PPARD: variants seen among roughly 807,000 people sequenced by gnomAD.
The protein encoded by PPARD is peroxisome proliferator activated receptor delta.
A neutral mutation model predicts 39.5 loss-of-function variants in PPARD; 6 were observed. That is an observed-to-expected ratio of 0.15 (90% CI 0.08 to 0.30). PPARD has a LOEUF of 0.30. Among genes scored for constraint, PPARD ranks in the 10% least tolerant of loss-of-function variants. The pLI is 1.00. For synonymous variants in PPARD, 210 were observed against 231.3 expected, an observed-to-expected ratio of 0.91 and a Z score of 0.83; for missense variants, 397 against 596.8, an observed-to-expected ratio of 0.67 and a Z score of 3.49.
intron 2 of PPARD, among the ~76,000 whole-genome samples, chr6:35,359,429 T>C (rs2150483410): frequency 6.6e-6 from 1 of 152,208 alleles, no homozygotes; most frequent in African/African-American, 2.4e-5. Context: ...GCCTCCTCTT[T>C]CTGAATGATG....
intron 2 of PPARD, among the ~76,000 whole-genome samples, chr6:35,360,298 G>A (rs1257688615): frequency 6.6e-6 from 1 of 152,184 alleles, no homozygotes; most frequent in Admixed American, 6.5e-5. Context: ...TCAGTCTGGT[G>A]AAGTGAAAAG....
At chr6:35,348,399 C>T in intron 2 of PPARD, 1 of 985,412 alleles carries the variant, frequency 1.0e-6, no homozygotes, top group South Asian at 4.7e-5. Context: ...GAACAATGCT[C>T]TGGGTTCCCA....
intron 2 of PPARD, among the ~76,000 whole-genome samples, chr6:35,398,774 G>A (rs559109262): frequency 1.6e-4 from 25 of 152,274 alleles, no homozygotes; most frequent in African/African-American, 5.3e-4. Flanking sequence ...ATGCTATCGT[G>A]GGTCAAGTAA....
rs1323053099 is a variant in PPARD at position 35,420,250 on chromosome 6, A to G, written c.254A>G (p.His85Arg). ...TGCGGGGACAAGGCATCGGGCTTCC[A>G]CTACGGTGTTCATGCATGTGAGGGG... Reference protein sequence around the residue: ...RVCGDKASGFHYGVHACEGCK... With the variant: ...RVCGDKASGFRYGVHACEGCK... Residue 85 changes from histidine to arginine, a missense_variant, in exon 4 of 8, where the codon CAC becomes CGC. Physicochemically the swap from His to Arg is conservative, Grantham distance 29 (BLOSUM62 0). Coordinates refer to ENST00000360694, the MANE Select transcript of PPARD (RefSeq NM_006238.5). 6.3e-7 allele frequency: 1 copy of G among 1,598,370 alleles called. No individual in the cohort carries two copies. The highest frequency in any genetic ancestry group is 8.5e-7 in the Non-Finnish European group (1 of 1,171,946).
intron 2 of PPARD, among the ~76,000 whole-genome samples, chr6:35,353,249 C>A (rs1761367934): frequency 6.6e-6 from 1 of 152,022 alleles, no homozygotes; most frequent in Non-Finnish European, 1.5e-5. Flanking sequence ...GTTAATATTG[C>A]AAAAAGGTAG....
At chr6:35,356,064 A>G (rs905804937) in intron 2 of PPARD, among the ~76,000 whole-genome samples, 7 of 152,222 alleles carry the variant, frequency 4.6e-5, no homozygotes, top group Admixed American at 2.0e-4. Flanking sequence ...AGTTCTCCAC[A>G]GCTAATGGTA....
At chr6:35,346,325 G>A (rs1413192624) in intron 1 of PPARD, among the ~76,000 whole-genome samples, 1 of 152,172 alleles carries the variant, frequency 6.6e-6, no homozygotes, top group Non-Finnish European at 1.5e-5. Flanking sequence ...CAGCTTTACT[G>A]CTCAGCATTG....
intron 5 of PPARD, 50 bp downstream of exon 5, chr6:35,422,008 A>G: frequency 1.9e-6 from 3 of 1,550,508 alleles, no homozygotes; most frequent in Non-Finnish European, 2.6e-6. Context: ...ACACAGCCTG[A>G]AACCAAGGTC....
intron 2 of PPARD, among the ~76,000 whole-genome samples, chr6:35,374,311 G>GA (rs11423235): frequency 0.066 from 9,743 of 146,708 alleles, 923 homozygotes; most frequent in African/African-American, 0.19. Flanking sequence ...TCGGCGGTGG[G>GA]GCGGGGGGGT....
In PPARD at chr6:35,425,839, A is replaced by G. The variant is rs200728810; in HGVS notation, c.1086A>G (p.Pro362=). The change falls in exon 8 of 8, where the codon CCA becomes CCG. Residue 362 remains proline, a synonymous_variant. Transcript: ENST00000360694. This position sits in a 1 kb window ranked among gnomAD's most constrained non-coding sequence, Gnocchi z 4.5. ...TGCCCTGTGTCCCCACAGACCGGCC[A>G]GGCCTCATGAACGTTCCACGGGTGG... ...IAAIILCGDR[P]GLMNVPRVEA... The G allele has an allele frequency of 6.2e-7, 1 of 1,614,016 alleles. No individual in the cohort carries two copies. The highest frequency in any genetic ancestry group is 8.5e-7 in the Non-Finnish European group (1 of 1,180,002).
chr6:35,343,337 T>C (rs1379202337), intron 1 of PPARD, among the ~76,000 whole-genome samples: 1 of 152,182 alleles, frequency 6.6e-6, no homozygotes, highest in East Asian at 1.9e-4. Flanking sequence ...CCTGTCTCCC[T>C]AAGACTCTCA....
At chr6:35,408,694 G>T (rs1245425008) in intron 2 of PPARD, among the ~76,000 whole-genome samples, 1 of 152,230 alleles carries the variant, frequency 6.6e-6, no homozygotes, top group East Asian at 1.9e-4. Flanking sequence ...GAGGCATGCA[G>T]GTGCCCAAGG....
chr6:35,399,768 AT>A (rs1764580583), intron 2 of PPARD, among the ~76,000 whole-genome samples: 1 of 152,098 alleles, frequency 6.6e-6, no homozygotes, highest in Non-Finnish European at 1.5e-5. Flanking sequence ...TTTTCTAGTC[AT>A]TTTCATGAGA....
At chr6:35,374,672 A>AG (rs60051214) in intron 2 of PPARD, among the ~76,000 whole-genome samples, 1 of 151,202 alleles carries the variant, frequency 6.6e-6, no homozygotes, top group African/African-American at 2.4e-5. Context: ...AAAAAAAAAA[A>AG]GAAAAGGAAA....
intron 3 of PPARD, among the ~76,000 whole-genome samples, chr6:35,418,704 C>T (rs1765943012): frequency 2.6e-5 from 1 of 38,896 alleles, no homozygotes; most frequent in Non-Finnish European, 5.2e-5. Flanking sequence ...TCAAGAGGAA[C>T]AGTTACAACA....
intron 2 of PPARD, among the ~76,000 whole-genome samples, chr6:35,394,073 A>G (rs1468570169): frequency 1.3e-5 from 2 of 152,246 alleles, no homozygotes; most frequent in Non-Finnish European, 2.9e-5. Flanking sequence ...TTTAAACTAC[A>G]AACATGAATA....
In PPARD at chr6:35,342,596, A is replaced by T. The variant is rs200323112; in HGVS notation, c.-271A>T. ...CGCTGCGGCCGCCGCGGACCTGGGGATTAATGGGAAAAGTTTTGGCAGGAG... is the reference window on the plus strand; with the variant it reads ...CGCTGCGGCCGCCGCGGACCTGGGGTTTAATGGGAAAAGTTTTGGCAGGAG... On this transcript the variant is annotated 5_prime_UTR_variant, in exon 1 of 8. Coordinates refer to ENST00000360694, the MANE Select transcript of PPARD (RefSeq NM_006238.5). 4 of 152,546 alleles carry T rather than the reference A, an allele frequency of 2.6e-5. No individual in the cohort carries two copies. Among genetic ancestry groups the T allele is most frequent in the African/African-American group, 9.7e-5 (4 of 41,420 alleles). The allele number at this position is 152,546 out of a possible 1,614,324, so 9.4% of individuals were successfully genotyped here. A position where few individuals can be genotyped will look rare whatever the true frequency, so the allele number is the denominator to read the frequency against.
intron 2 of PPARD, among the ~76,000 whole-genome samples, chr6:35,352,377 G>A (rs1244459110): frequency 2.6e-5 from 4 of 151,632 alleles, no homozygotes; most frequent in African/African-American, 9.7e-5. Context: ...GTAGAGATGG[G>A]GTTTCACCAT....
chr6:35,405,601 C>T (rs1764994039), intron 2 of PPARD, among the ~76,000 whole-genome samples: 1 of 150,042 alleles, frequency 6.7e-6, no homozygotes, highest in African/African-American at 2.4e-5. Context: ...TGCCGGCATA[C>T]AAATTAAACT....
Sources: allele counts gnomAD v4.1 joint callset (sites outside exome capture counted in the v4.1 genomes callset), GRCh38; gene constraint gnomAD v4.1.1; non-coding constraint Gnocchi (gnomAD v3.1); transcripts MANE v1.5; gene names NCBI Gene and HGNC (gene_info 2026-07-23, HGNC 2026-07-21).